Variants in NOP9 observed in about 807,000 individuals in gnomAD.
NOP9 encodes NOP9 nucleolar protein.
Under a neutral mutation model 63.0 loss-of-function variants are expected in NOP9, and 50 were observed. The observed-to-expected ratio is 0.79, with a 90% CI of 0.63 to 1.00. The LOEUF (loss-of-function observed/expected upper bound fraction) is 1.00, where lower values mean the gene tolerates loss of function less well. Among genes scored for constraint, NOP9 ranks in the 50% least tolerant of loss-of-function variants. The pLI, the probability that NOP9 is intolerant of heterozygous loss-of-function variation, is 0.00. For synonymous variants in NOP9, 343 were observed against 332.8 expected (o/e 1.03, Z -0.33); for missense variants, 758 against 803.0 (o/e 0.94, Z 0.68).
In NOP9 at chr14:24,306,211, C is replaced by A. The variant is rs999421291; in HGVS notation, c.*1116C>A. ...CCACTAATCTCCATCAGCACTGGGT[C>A]AGACCCTCCCTCGCTTGGACTTTCT... On this transcript the variant is annotated 3_prime_UTR_variant, in exon 10 of 10. Coordinates refer to ENST00000267425, the MANE Select transcript of NOP9 (RefSeq NM_174913.3). 4.5e-6 allele frequency: 7 copies of A among 1,545,780 alleles called. No homozygotes were observed. In the African/African-American group the frequency reaches 9.5e-5, roughly 21 times the overall value.
chr14:24,282,964 T>C, the NOP9 span, among the ~76,000 whole-genome samples: 1 of 152,166 alleles, frequency 6.6e-6, no homozygotes, highest in Non-Finnish European at 1.5e-5. Context: ...CCCGGGAGGC[T>C]TGGAGCAGAG....
At position 24,301,609 on chromosome 14, in the gene NOP9, C is replaced by T. The variant is rs2041377560; in HGVS notation, c.698-3C>T. On this transcript the variant is annotated splice_region_variant and splice_polypyrimidine_tract_variant and intron_variant, in intron 2 of 9. Transcript: ENST00000267425. Reference sequence around the variant, plus strand: ...ACTGCACATGTTCTTAATCTTCCTTCAGAAGCACAGAAGACCCCAGCTCAG... The same window carrying T: ...ACTGCACATGTTCTTAATCTTCCTTTAGAAGCACAGAAGACCCCAGCTCAG... 1 of 1,614,134 alleles carries T rather than the reference C, an allele frequency of 6.2e-7. No homozygotes were observed. The highest frequency in any genetic ancestry group is 8.5e-7 in the Non-Finnish European group (1 of 1,179,966).
the NOP9 span, chr14:24,291,302 G>C: frequency 1.4e-6 from 2 of 1,389,438 alleles, no homozygotes; most frequent in African/African-American, 2.8e-5. Flanking sequence ...ACAGGGCACT[G>C]CTGAGAGCCC....
At chr14:24,273,461 G>A in the NOP9 span, among the ~76,000 whole-genome samples, 2 of 152,194 alleles carry the variant, frequency 1.3e-5, no homozygotes, top group Admixed American at 1.3e-4. Flanking sequence ...TTACAGGTGT[G>A]AGCCACCATG....
In NOP9 at chr14:24,309,032, C is replaced by T. The variant is rs1166556984; in HGVS notation, c.*3937C>T. The T allele has an allele frequency of 2.0e-5, 3 of 152,190 alleles. No individual in the cohort carries two copies. Among genetic ancestry groups the T allele is most frequent in the Admixed American group, 6.5e-5 (1 of 15,280 alleles). The allele number at this position is 152,190 out of a possible 1,614,324, so 9.4% of individuals were successfully genotyped here. A position where few individuals can be genotyped will look rare whatever the true frequency, so the allele number is the denominator to read the frequency against. ...CCTGACCCCCTTGTTTTGGATATAC[C>T]CAGGTAGAACAACTCTCTCTCACTG... is the stretch of plus-strand genomic sequence containing the variant. On this transcript the variant is annotated 3_prime_UTR_variant, in exon 10 of 10. Coordinates refer to ENST00000267425, the MANE Select transcript of NOP9 (RefSeq NM_174913.3).
chr14:24,296,756 A>G (rs1342869510), upstream of NOP9: 3 of 1,614,202 alleles, frequency 1.9e-6, no homozygotes, highest in South Asian at 3.3e-5. Flanking sequence ...CTGCATAAGC[A>G]TTGTTGACCA....
rs1291987130 is a variant in NOP9, at chr14:24,306,105, C to T, written c.*1010C>T. On this transcript the variant is annotated 3_prime_UTR_variant, in exon 10 of 10. Coordinates refer to ENST00000267425, the MANE Select transcript of NOP9 (RefSeq NM_174913.3). ...CGATGTCCTTGCTGTGCTTGGGCCT[C>T]TCCCGTCCCAGGCCATATGACAGCA... 4 of 1,613,958 alleles carry T rather than the reference C, an allele frequency of 2.5e-6. No homozygotes were observed. Among genetic ancestry groups the T allele is most frequent in the Non-Finnish European group, 3.4e-6 (4 of 1,180,010 alleles).
chr14:24,288,376 G>C, the NOP9 span, among the ~76,000 whole-genome samples: 11 of 151,872 alleles, frequency 7.2e-5, no homozygotes, highest in East Asian at 2.1e-3. Flanking sequence ...TTGAGATGGA[G>C]TCTCACACTG....
Position 24,305,107 on chromosome 14 carries a change from T to A in NOP9, c.*12T>A. On this transcript the variant is annotated 3_prime_UTR_variant, in exon 10 of 10. Coordinates refer to ENST00000267425, the MANE Select transcript of NOP9 (RefSeq NM_174913.3). ...TACTTGAAGACTGAGGCTTTGGATC[T>A]GGGACTGGGTGTTGATGGGGGAGGG... is the stretch of plus-strand genomic sequence containing the variant. 1 of 1,468,056 alleles carries A rather than the reference T, an allele frequency of 6.8e-7. No homozygotes were observed. The highest frequency in any genetic ancestry group is 9.1e-7 in the Non-Finnish European group (1 of 1,101,064). The allele number at this position is 1,468,056 out of a possible 1,614,324, so 90.9% of individuals were successfully genotyped here. A position where few individuals can be genotyped will look rare whatever the true frequency, so the allele number is the denominator to read the frequency against.
At chr14:24,298,578 T>G, upstream of NOP9, 1 of 159,350 alleles carries the variant, frequency 6.3e-6, no homozygotes, top group Non-Finnish European at 1.4e-5. Context: ...AACAAAAAGT[T>G]TTTTACTTTT....
chr14:24,271,413 T>C, the NOP9 span: 23 of 317,520 alleles, frequency 7.2e-5, no homozygotes, highest in African/African-American at 3.8e-4. Context: ...GGGACCACTC[T>C]GCTCCCCAAA....
Position 24,304,965 on chromosome 14 carries a change from AC to A in NOP9, c.1784del (p.Pro595LeufsTer12), listed in dbSNP as rs1177166818. On this transcript the variant is annotated frameshift_variant, in exon 10 of 10. Transcript: ENST00000267425. LOFTEE classifies it high-confidence loss of function. ...LGEQNQELIR[D>X]PFGHHVARNV... ...GAGCAGAACCAGGAGCTGATAAGAG[AC>A]CCTTTCGGCCACCATGTGGCTCGAA... 1.8e-5 allele frequency: 28 copies of A among 1,571,614 alleles called. No individual in the cohort carries two copies. The highest frequency in any genetic ancestry group is 2.4e-5 in the Non-Finnish European group (28 of 1,160,996).
rs1407348462 is a variant in NOP9, at chr14:24,308,044, G to A, written c.*2949G>A. ...AAGGGCAAAGTCCAAGGGGAGGGAT[G>A]AGGGAGGGGCCAGATGGGGTCCTGG... On this transcript the variant is annotated 3_prime_UTR_variant, in exon 10 of 10. Transcript: ENST00000267425. 1.1e-5 allele frequency: 7 copies of A among 631,512 alleles called. No individual in the cohort carries two copies. Among genetic ancestry groups the A allele is most frequent in the Non-Finnish European group, 2.0e-5 (7 of 347,650 alleles). The allele number at this position is 631,512 out of a possible 1,614,324, so 39.1% of individuals were successfully genotyped here.
chr14:24,279,309 T>C, the NOP9 span, among the ~76,000 whole-genome samples: 1 of 152,216 alleles, frequency 6.6e-6, no homozygotes, highest in African/African-American at 2.4e-5. Flanking sequence ...CCTTGGACAC[T>C]TGGTTTGAAT....
At chr14:24,289,381 C>T in the NOP9 span, among the ~76,000 whole-genome samples, 1 of 152,218 alleles carries the variant, frequency 6.6e-6, no homozygotes, top group African/African-American at 2.4e-5. Flanking sequence ...CCTTCCTCAA[C>T]CTCCCAAGGA....
At chr14:24,271,213 T>A in the NOP9 span, 2 of 1,403,796 alleles carry the variant, frequency 1.4e-6, no homozygotes, top group Non-Finnish European at 1.9e-6. Flanking sequence ...CCCTACTAGC[T>A]CCGCCCACAG....
At chr14:24,274,952 C>T in the NOP9 span, among the ~76,000 whole-genome samples, 5 of 135,842 alleles carry the variant, frequency 3.7e-5, no homozygotes, top group Admixed American at 4.0e-4. Flanking sequence ...TTTTGTTGCC[C>T]AGGCTGGAAT....
At chr14:24,291,678 G>A in the NOP9 span, 31 of 1,539,180 alleles carry the variant, frequency 2.0e-5, no homozygotes, top group East Asian at 6.3e-4. Flanking sequence ...GCACTGCCCA[G>A]GTCTCCTCCC....
At chr14:24,298,240 C>T (rs1212927706), upstream of NOP9, among the ~76,000 whole-genome samples, 2 of 152,142 alleles carry the variant, frequency 1.3e-5, no homozygotes, top group Admixed American at 1.3e-4. Flanking sequence ...TTTGTAGAGA[C>T]TGGGTCTAGC....
Sources: gnomAD v4.1 joint callset for allele counts (sites outside exome capture counted in the v4.1 genomes callset) on GRCh38, gnomAD v4.1.1 for gene constraint, MANE v1.5 for transcripts, NCBI Gene and HGNC (gene_info 2026-07-23, HGNC 2026-07-21) for gene names.